ALG12: variants seen among roughly 807,000 people sequenced by gnomAD.
ALG12 encodes the protein ALG12 alpha-1,6-mannosyltransferase.
Under a neutral mutation model 46.0 loss-of-function variants are expected in ALG12, and 36 were observed. That is an observed-to-expected ratio of 0.78 (90% confidence interval 0.60 to 1.03). ALG12 has a LOEUF of 1.03. Ranked by LOEUF, ALG12 falls within the 50% of genes least tolerant of loss-of-function variation. ALG12 has a pLI of 0.00. For synonymous variants in ALG12, 326 were observed against 291.6 expected (o/e 1.12, Z -1.20); for missense variants, 599 against 633.5 (o/e 0.95, Z 0.58).
chr22:49,896,951 G>A (rs9616774), downstream of ALG12, among the ~76,000 whole-genome samples: 54,211 of 151,268 alleles, frequency 0.36, 13,854 homozygotes, highest in African/African-American at 0.73. Context: ...CACTTTTAAA[G>A]TGAAGCAGAA....
chr22:49,865,618 T>G, the ALG12 span, among the ~76,000 whole-genome samples: 2 of 151,994 alleles, frequency 1.3e-5, no homozygotes, highest in East Asian at 3.8e-4. Flanking sequence ...GAGGGTGCAG[T>G]GAGCAGAGAT....
In ALG12 at chr22:49,900,503, G is replaced by A. The variant is rs1293651379; in HGVS notation, c.*3335C>T. 6.6e-6 allele frequency: 1 copy of A among 152,272 alleles called. No individual in the cohort carries two copies. Among genetic ancestry groups the A allele is most frequent in the Admixed American group, 6.5e-5 (1 of 15,292 alleles). 9.4% of individuals were successfully genotyped at this position (152,272 alleles called of 1,614,324 possible). ...CGAAGGCACCACTACACTGACGGTG[G>A]AGAAGCCGACCCAAGGAACTCATGA... On this transcript the variant is annotated 3_prime_UTR_variant, in exon 10 of 10. Transcript: ENST00000330817.
At chr22:49,880,795 C>A in the ALG12 span, among the ~76,000 whole-genome samples, 1 of 152,164 alleles carries the variant, frequency 6.6e-6, no homozygotes, top group Non-Finnish European at 1.5e-5. Flanking sequence ...TGACTGGGAT[C>A]ATATTGAATT....
chr22:49,892,218 T>C, the ALG12 span, among the ~76,000 whole-genome samples: 1 of 150,174 alleles, frequency 6.7e-6, no homozygotes, highest in African/African-American at 2.5e-5. Flanking sequence ...AAAAACTTTT[T>C]GAAGACATCA....
In ALG12 at chr22:49,906,981, G is replaced by A. The variant is rs2060545731; in HGVS notation, c.992+740C>T. ...CCAGGCAGTGCCCTCCCCAGGCCCT[G>A]CCAGGCCCCCAGCTCCACCTCCATC... On this transcript the variant is annotated intron_variant, in intron 7 of 9. Coordinates refer to ENST00000330817, the MANE Select transcript of ALG12 (RefSeq NM_024105.4). This position sits in a 1 kb window ranked among gnomAD's most constrained non-coding sequence, Gnocchi z 4.4. Among the ~76,000 whole-genome samples, 1 of 152,072 alleles carries A rather than the reference G, an allele frequency of 6.6e-6. No individual in the cohort carries two copies. Among genetic ancestry groups the A allele is most frequent in the South Asian group, 2.1e-4 (1 of 4,824 alleles).
intron 8 of ALG12, 22 bp from the exon 9 acceptor site, chr22:49,904,276 T>C: frequency 6.2e-7 from 1 of 1,614,008 alleles, no homozygotes; most frequent in Non-Finnish European, 8.5e-7. Context: ...AGGCCTGCCG[T>C]CAGAGCCCAG....
the ALG12 span, chr22:49,886,523 T>C: frequency 6.4e-7 from 1 of 1,568,602 alleles, no homozygotes; most frequent in Non-Finnish European, 8.6e-7. This position sits in a 1 kb window ranked among gnomAD's most constrained non-coding sequence, Gnocchi z 7.7. Flanking sequence ...ATGTCCACCC[T>C]CAGCCAGGTC....
chr22:49,885,371 G>C, the ALG12 span: 5 of 1,592,556 alleles, frequency 3.1e-6, no homozygotes, highest in East Asian at 1.1e-4. Context: ...TTTTCTATTT[G>C]CTCCGCAGAC....
intron 1 of ALG12, among the ~76,000 whole-genome samples, chr22:49,915,745 G>C (rs1006062650): frequency 6.6e-6 from 1 of 152,076 alleles, no homozygotes; most frequent in Non-Finnish European, 1.5e-5. Flanking sequence ...TCCCACCAGC[G>C]CAGCCTCAGC....
chr22:49,912,160 G>A (rs2060582128), intron 3 of ALG12, among the ~76,000 whole-genome samples: 1 of 152,032 alleles, frequency 6.6e-6, no homozygotes, highest in Admixed American at 6.5e-5. Flanking sequence ...ATCACCCTCG[G>A]CCCCAGGATG....
At chr22:49,875,226 AT>A in the ALG12 span, among the ~76,000 whole-genome samples, 10 of 141,928 alleles carry the variant, frequency 7.0e-5, no homozygotes, top group East Asian at 1.3e-3. Context: ...AAGAATTTGT[AT>A]TTTTTTTTTC....
At chr22:49,917,939 G>GA in intron 1 of ALG12, among the ~76,000 whole-genome samples, 1 of 151,958 alleles carries the variant, frequency 6.6e-6, no homozygotes, top group African/African-American at 2.4e-5. Context: ...TCCCCCAGGT[G>GA]GGAGGTCCGG....
downstream of ALG12, among the ~76,000 whole-genome samples, chr22:49,899,801 A>T (rs928353871): frequency 6.6e-6 from 1 of 152,080 alleles, no homozygotes; most frequent in Non-Finnish European, 1.5e-5. Flanking sequence ...GTGGCTTATC[A>T]TGTGGTAGAG....
the ALG12 span, among the ~76,000 whole-genome samples, chr22:49,892,204 A>C: frequency 2.6e-5 from 4 of 151,988 alleles, no homozygotes; most frequent in South Asian, 2.1e-4. Context: ...AAAAAAAAAA[A>C]AAAAAAAACT....
the ALG12 span, among the ~76,000 whole-genome samples, chr22:49,880,629 CTTTGT>C: frequency 6.6e-6 from 1 of 152,202 alleles, no homozygotes; most frequent in Non-Finnish European, 1.5e-5. Flanking sequence ...ACCTGGTTTC[CTTTGT>C]TTTGTTCATC....
chr22:49,887,776 C>T, the ALG12 span: 79 of 167,408 alleles, frequency 4.7e-4, no homozygotes, highest in Non-Finnish European at 8.5e-4. Context: ...TTAGATGTTT[C>T]ATGGAGCTTA....
the ALG12 span, among the ~76,000 whole-genome samples, chr22:49,873,383 T>C: frequency 1.3e-5 from 2 of 152,172 alleles, no homozygotes; most frequent in Non-Finnish European, 2.9e-5. Flanking sequence ...TGCTGGTTGA[T>C]GGAGCAGTCA....
chr22:49,910,099 G>A lies in ALG12; in HGVS notation c.470-11C>T, dbSNP rs375328311. ...CGAGGGCCAGCAGGACTGCAAGACA[G>A]TGCGGGAGGGTGCTCGTCAAGACAC... On this transcript the variant is annotated splice_polypyrimidine_tract_variant and intron_variant, in intron 4 of 9. Coordinates refer to ENST00000330817, the MANE Select transcript of ALG12 (RefSeq NM_024105.4). 2.4e-4 allele frequency: 384 copies of A among 1,592,568 alleles called. No homozygotes were observed. Among genetic ancestry groups the A allele is most frequent in the Non-Finnish European group, 3.0e-4 (346 of 1,170,078 alleles).
the ALG12 span, among the ~76,000 whole-genome samples, chr22:49,892,302 T>C: frequency 6.6e-6 from 1 of 152,080 alleles, no homozygotes; most frequent in African/African-American, 2.4e-5. Context: ...GAGTCCTGTG[T>C]TCACAACATT....
Sources: gnomAD v4.1 joint callset for allele counts (sites outside exome capture counted in the v4.1 genomes callset) on GRCh38, gnomAD v4.1.1 for gene constraint, Gnocchi (gnomAD v3.1) non-coding constraint, MANE v1.5 for transcripts, NCBI Gene and HGNC (gene_info 2026-07-23, HGNC 2026-07-21) for gene names.